Variants in TRIO observed in about 807,000 individuals in gnomAD.
The protein encoded by TRIO is trio Rho guanine nucleotide exchange factor.
Under a neutral mutation model 351.9 loss-of-function variants are expected in TRIO, and 58 were observed. The ratio of observed to expected loss-of-function variants is 0.16; its 90% CI spans 0.13 to 0.21. The LOEUF (loss-of-function observed/expected upper bound fraction) is 0.21, where lower values mean the gene tolerates loss of function less well. Among genes scored for constraint, TRIO ranks in the 10% least tolerant of loss-of-function variants. TRIO has a pLI of 1.00. For synonymous variants in TRIO, 1,758 were observed against 1,595.7 expected (o/e 1.10, Z -2.42); for missense variants, 3,201 against 4,027.8 (o/e 0.79, Z 5.56).
chr5:14,229,377 T>C (rs1793261523), intron 1 of TRIO, among the ~76,000 whole-genome samples: 1 of 152,224 alleles, frequency 6.6e-6, no homozygotes, highest in Non-Finnish European at 1.5e-5. Context: ...TTACAAATGC[T>C]GACAGAGGAG....
chr5:14,469,206 T>C (rs1393838016), intron 37 of TRIO, among the ~76,000 whole-genome samples: 3 of 152,018 alleles, frequency 2.0e-5, no homozygotes, highest in Non-Finnish European at 2.9e-5. Context: ...AAAGCAGAAA[T>C]TAATGAGCTG....
chr5:14,407,534 A>G (rs1748836080), intron 33 of TRIO, among the ~76,000 whole-genome samples: 1 of 152,244 alleles, frequency 6.6e-6, no homozygotes, highest in East Asian at 1.9e-4. Flanking sequence ...ATGGCAGTGT[A>G]GAAGCGGAGC....
At chr5:14,180,267 C>G (rs1194508611) in intron 1 of TRIO, among the ~76,000 whole-genome samples, 1 of 152,068 alleles carries the variant, frequency 6.6e-6, no homozygotes, top group Non-Finnish European at 1.5e-5. Flanking sequence ...CCAAACCGAT[C>G]ATTAGATGTT....
intron 11 of TRIO, among the ~76,000 whole-genome samples, chr5:14,356,300 A>G (rs1022248037): frequency 1.3e-4 from 20 of 152,260 alleles, no homozygotes; most frequent in Non-Finnish European, 2.6e-4. Flanking sequence ...TGCATATTTC[A>G]GAGAAACAAA....
At chr5:14,283,108 A>G (rs570887292) in intron 3 of TRIO, among the ~76,000 whole-genome samples, 2 of 152,226 alleles carry the variant, frequency 1.3e-5, no homozygotes, top group Non-Finnish European at 2.9e-5. Flanking sequence ...ACCAATCTGT[A>G]AAAATCATCA....
intron 1 of TRIO, among the ~76,000 whole-genome samples, chr5:14,225,466 G>A (rs1346336461): frequency 6.6e-6 from 1 of 152,096 alleles, no homozygotes; most frequent in Non-Finnish European, 1.5e-5. Context: ...TCTGAAGCTT[G>A]GGGTCCTGTT....
chr5:14,178,208 C>T (rs1247745169), intron 1 of TRIO, among the ~76,000 whole-genome samples: 2 of 152,122 alleles, frequency 1.3e-5, no homozygotes, highest in Non-Finnish European at 1.5e-5. Flanking sequence ...CAGAGTTGTA[C>T]GTGTGGTCCT....
intron 1 of TRIO, among the ~76,000 whole-genome samples, chr5:14,145,440 G>A (rs1213239771): frequency 2.6e-5 from 4 of 151,938 alleles, no homozygotes; most frequent in Non-Finnish European, 5.9e-5. Flanking sequence ...CTTGAGAAGT[G>A]CCTGCAGAAA....
At chr5:14,157,532 CCTCTCTCTCCCTGTCTCT>C (rs879908891) in intron 1 of TRIO, among the ~76,000 whole-genome samples, 514 of 104,080 alleles carry the variant, frequency 4.9e-3, no homozygotes, top group African/African-American at 0.017. Context: ...TCCCTGTCTC[CCTCTCTCTCCCTGTCTCT>C]CTCTCTCTCC....
At chr5:14,402,804 C>T (rs1748199730) in intron 31 of TRIO, among the ~76,000 whole-genome samples, 1 of 150,444 alleles carries the variant, frequency 6.6e-6, no homozygotes, top group Non-Finnish European at 1.5e-5. Flanking sequence ...AGATGGAGGT[C>T]ATCGTGTAGA....
rs370010071 is a variant in TRIO, at chr5:14,322,066, ATGGG to A, written c.1731+5326_1731+5329del. ...GACTAATACAACGCCCCTGCAAGTC[ATGGG>A]TGAGTAAGTCTTGGAGAGTAAGAAC... On this transcript the variant is annotated intron_variant, in intron 9 of 56. Transcript: ENST00000344204. Among the ~76,000 whole-genome samples, 16 of 152,228 alleles carry A rather than the reference ATGGG, an allele frequency of 1.1e-4. No individual in the cohort carries two copies. The East Asian group carries it at 2.9e-3, about 28-fold the overall frequency.
At chr5:14,338,688 C>G (rs1432487778) in intron 11 of TRIO, among the ~76,000 whole-genome samples, 1 of 152,214 alleles carries the variant, frequency 6.6e-6, no homozygotes, top group Admixed American at 6.5e-5. Flanking sequence ...GATGTCCAGT[C>G]TGCAGGTTCC....
chr5:14,338,833 C>T (rs1039496071), intron 11 of TRIO, among the ~76,000 whole-genome samples: 1 of 152,148 alleles, frequency 6.6e-6, no homozygotes, highest in African/African-American at 2.4e-5. Flanking sequence ...GAGGGCCTTG[C>T]ATCTGTGGCA....
chr5:14,152,053 A>G (rs997839309), intron 1 of TRIO, among the ~76,000 whole-genome samples: 3 of 152,212 alleles, frequency 2.0e-5, no homozygotes, highest in Non-Finnish European at 4.4e-5. Context: ...CTGGAGTGTT[A>G]TATATATTTC....
At chr5:14,350,004 G>T (rs1742905169) in intron 11 of TRIO, among the ~76,000 whole-genome samples, 1 of 152,174 alleles carries the variant, frequency 6.6e-6, no homozygotes, top group African/African-American at 2.4e-5. Context: ...GCATTAGTTT[G>T]CTAAGGATAA....
intron 33 of TRIO, among the ~76,000 whole-genome samples, chr5:14,413,732 T>A (rs1749395726): frequency 6.6e-6 from 1 of 152,238 alleles, no homozygotes; most frequent in South Asian, 2.1e-4. Context: ...AAGACAGATT[T>A]TTTTTAAGTT....
At chr5:14,465,661 T>G (rs1754200874) in intron 37 of TRIO, 21 bp downstream of exon 37, 1 of 1,613,638 alleles carries the variant, frequency 6.2e-7, no homozygotes, top group African/African-American at 1.3e-5. Flanking sequence ...CCAGAGAAAG[T>G]CTGACTTTTG....
At chr5:14,346,694 A>C (rs756741267) in intron 11 of TRIO, among the ~76,000 whole-genome samples, 32 of 152,248 alleles carry the variant, frequency 2.1e-4, no homozygotes, top group Non-Finnish European at 4.4e-4. Context: ...GAGGAAGGAC[A>C]TGTGGTGGAA....
intron 11 of TRIO, 90 bp from the exon 12 acceptor site, chr5:14,358,059 ACCAGTCCCCTCCCAGGGCAAGTCACACAC>A: frequency 7.9e-7 from 1 of 1,269,860 alleles, no homozygotes; most frequent in Non-Finnish European, 1.1e-6. Flanking sequence ...GTGGTCTGTC[ACCAGTCCCCTCCCAGGGCAAGTCACACAC>A]CGTCTCCACT....
Sources: allele counts gnomAD v4.1 joint callset (sites outside exome capture counted in the v4.1 genomes callset), GRCh38; gene constraint gnomAD v4.1.1; transcripts MANE v1.5; gene names NCBI Gene and HGNC (gene_info 2026-07-23, HGNC 2026-07-21).